The following CHD6 variants were observed in gnomAD, a reference collection of about 807,000 sequenced individuals.
The protein encoded by CHD6 is chromodomain helicase DNA binding protein 6, also known as ATP-dependent chromatin remodeler CHD6.
CHD6 carries 50 observed loss-of-function variants against 276.9 expected under a neutral mutation model. The observed-to-expected ratio is 0.18, with a 90% CI of 0.14 to 0.23. CHD6 has a LOEUF of 0.23. CHD6 is among the 10% of genes least tolerant of loss of function. The pLI is 1.00. For missense variants in CHD6, 2,564 were observed against 3,365.8 expected, an observed-to-expected ratio of 0.76 and a Z score of 5.89; for synonymous variants, 1,173 against 1,229.3, an observed-to-expected ratio of 0.95 and a Z score of 0.96.
chr20:41,445,669 C>T lies in CHD6; in HGVS notation c.3873G>A (p.Lys1291=). The T allele has an allele frequency of 1.9e-6, 3 of 1,609,774 alleles. No individual in the cohort carries two copies. The highest frequency in any genetic ancestry group is 2.6e-6 in the Non-Finnish European group (3 of 1,176,096). The change falls in exon 25 of 37, where the codon AAG becomes AAA. Residue 1291 remains lysine (K), a synonymous_variant. Transcript: ENST00000373233. The part of the protein sequence containing the change: ...ADKSLLIGVF[K]HGYERYNAMR... ...CGCCTTCAGAGAAATACACACCATG[C>T]TTGAACACGCCAATGAGAAGTGACT...
At chr20:41,549,965 A>AT (rs1436813373) in intron 2 of CHD6, among the ~76,000 whole-genome samples, 1 of 151,908 alleles carries the variant, frequency 6.6e-6, no homozygotes, top group African/African-American at 2.4e-5. Flanking sequence ...TGCCTGGCTA[A>AT]TTTTTTTGTA....
intron 1 of CHD6, among the ~76,000 whole-genome samples, chr20:41,565,323 T>C (rs1415544802): frequency 2.6e-5 from 4 of 152,142 alleles, no homozygotes; most frequent in African/African-American, 9.7e-5. Context: ...CTTGAACTCC[T>C]GACCTCATGA....
At chr20:41,570,513 T>G (rs1046549003) in intron 1 of CHD6, among the ~76,000 whole-genome samples, 5 of 152,320 alleles carry the variant, frequency 3.3e-5, no homozygotes, top group African/African-American at 1.2e-4. Context: ...ATTTCACCAC[T>G]TATGCTGTTT....
chr20:41,584,951 A>C (rs1381882012), intron 1 of CHD6, among the ~76,000 whole-genome samples: 2 of 152,196 alleles, frequency 1.3e-5, no homozygotes, highest in Non-Finnish European at 2.9e-5. Context: ...AACGAAAATC[A>C]ATGAAATTAA....
intron 1 of CHD6, among the ~76,000 whole-genome samples, chr20:41,605,951 A>G (rs1358245763): frequency 3.9e-5 from 6 of 152,238 alleles, no homozygotes; most frequent in Admixed American, 2.0e-4. Flanking sequence ...GAGGAATTCA[A>G]GGTACAAAGA....
intron 1 of CHD6, among the ~76,000 whole-genome samples, chr20:41,558,741 G>T (rs771416092): frequency 1.3e-5 from 2 of 151,966 alleles, no homozygotes; most frequent in Non-Finnish European, 2.9e-5. Context: ...TCAGTCTCTT[G>T]ATTACCTCCC....
At chr20:41,529,726 T>C (rs549203304) in intron 3 of CHD6, among the ~76,000 whole-genome samples, 1 of 151,694 alleles carries the variant, frequency 6.6e-6, no homozygotes, top group African/African-American at 2.4e-5. Context: ...GCGCCAGAGA[T>C]GGAAAGAGAG....
chr20:41,459,806 T>C (rs2048488509), intron 17 of CHD6, among the ~76,000 whole-genome samples: 2 of 152,276 alleles, frequency 1.3e-5, no homozygotes, highest in South Asian at 2.1e-4. Flanking sequence ...ATACAGTAAA[T>C]TGGTACCAGT....
chr20:41,550,312 G>A (rs992321181), intron 2 of CHD6, among the ~76,000 whole-genome samples: 6 of 152,152 alleles, frequency 3.9e-5, no homozygotes, highest in African/African-American at 1.2e-4. Context: ...TCCATGTAGC[G>A]TCTGCCTATC....
In CHD6 at chr20:41,403,915, A is replaced by T. The variant is rs1172618550; in HGVS notation, c.*678T>A. On this transcript the variant is annotated 3_prime_UTR_variant, in exon 37 of 37. Transcript: ENST00000373233. ...ATCTTTTCACTGGTGAGAGGGATGT[A>T]TAGAAAATAATGCCTAGTCAGTCAG... The T allele has an allele frequency of 1.9e-6, 2 of 1,054,886 alleles. No individual in the cohort carries two copies. The highest frequency in any genetic ancestry group is 1.7e-5 in the African/African-American group (1 of 60,472). The allele number at this position is 1,054,886 out of a possible 1,614,324, so 65.3% of individuals were successfully genotyped here.
chr20:41,533,629 A>C (rs915132562), intron 2 of CHD6, 59 bp from the exon 3 acceptor site: 5 of 1,437,600 alleles, frequency 3.5e-6, no homozygotes, highest in Middle Eastern at 1.8e-4. Flanking sequence ...AGACAAAGAG[A>C]GTTACCCAGT....
In CHD6 at chr20:41,504,406, T is replaced by A. The variant is rs1452986773; in HGVS notation, c.853-5049A>T. On this transcript the variant is annotated intron_variant, in intron 5 of 36. Transcript: ENST00000373233. The stretch of plus-strand genomic sequence containing the variant: ...TGTCCATCTTTTCCTCTATTTTCTT[T>A]TTTTTTTTTTTTTTTTTTTTAGACA... 4.5e-3 allele frequency among the ~76,000 whole-genome samples: 379 copies of A among 83,644 alleles called. 3 individuals carry two copies. Among genetic ancestry groups the A allele is most frequent in the African/African-American group, 0.015 (366 of 24,200 alleles). The allele number at this position is 83,644 out of a possible 152,430, so 54.9% of individuals were successfully genotyped here.
intron 3 of CHD6, among the ~76,000 whole-genome samples, chr20:41,520,109 A>G (rs985325117): frequency 6.6e-6 from 1 of 152,238 alleles, no homozygotes; most frequent in Non-Finnish European, 1.5e-5. Context: ...CGCAAATCAA[A>G]ACCACAATGA....
intron 8 of CHD6, among the ~76,000 whole-genome samples, chr20:41,494,883 T>C (rs931811429): frequency 3.9e-5 from 6 of 152,340 alleles, no homozygotes; most frequent in Non-Finnish European, 7.4e-5. Context: ...TCTCTACCTC[T>C]TTAGGAGTAG....
intron 1 of CHD6, among the ~76,000 whole-genome samples, chr20:41,573,060 C>G (rs2045436055): frequency 6.6e-6 from 1 of 152,084 alleles, no homozygotes. Flanking sequence ...CAGTCGCCCG[C>G]CACCACGCCC....
intron 20 of CHD6, among the ~76,000 whole-genome samples, chr20:41,454,124 C>G (rs1273861499): frequency 6.6e-6 from 1 of 152,208 alleles, no homozygotes; most frequent in Non-Finnish European, 1.5e-5. Context: ...CTACTAATCT[C>G]AGCGGGGGTC....
At chr20:41,558,477 C>T (rs894571141) in intron 1 of CHD6, among the ~76,000 whole-genome samples, 4 of 152,128 alleles carry the variant, frequency 2.6e-5, no homozygotes, top group Non-Finnish European at 4.4e-5. Context: ...ACGTAAATGA[C>T]GAAGAAGATG....
intron 6 of CHD6, 42 bp downstream of exon 6, chr20:41,499,253 T>C (rs1207609382): frequency 6.8e-7 from 1 of 1,466,144 alleles, no homozygotes; most frequent in East Asian, 2.3e-5. Context: ...GAAGATGTAA[T>C]CTGTGCTAAT....
chr20:41,436,173 A>C (rs1022638723), intron 27 of CHD6, among the ~76,000 whole-genome samples: 4 of 152,198 alleles, frequency 2.6e-5, no homozygotes, highest in Non-Finnish European at 4.4e-5. Context: ...ATCAACACTA[A>C]AACAATGAAA....
Sources: gnomAD v4.1 joint callset for allele counts (sites outside exome capture counted in the v4.1 genomes callset) on GRCh38, gnomAD v4.1.1 for gene constraint, MANE v1.5 for transcripts, NCBI Gene and HGNC (gene_info 2026-07-23, HGNC 2026-07-21) for gene names.